The following TMPRSS4 variants were observed in gnomAD, a reference collection of about 807,000 sequenced individuals.
TMPRSS4 encodes the protein transmembrane serine protease 4.
In TMPRSS4, 45 loss-of-function variants were observed where a neutral mutation model predicts 56.4. The observed-to-expected ratio is 0.80, with a 90% confidence interval of 0.63 to 1.02. The LOEUF (loss-of-function observed/expected upper bound fraction) is 1.02, where lower values mean the gene tolerates loss of function less well. Ranked by LOEUF, TMPRSS4 falls within the 50% of genes least tolerant of loss-of-function variation. The probability of loss-of-function intolerance (pLI) is 0.00; values close to 1 mark genes in which losing one functional copy is unlikely to be tolerated. For missense variants in TMPRSS4, 546 were observed against 556.7 expected (o/e 0.98, Z 0.19); for synonymous variants, 205 against 211.0 (o/e 0.97, Z 0.25).
Position 118,077,473 on chromosome 11 carries a change from A to C in TMPRSS4, c.3+168A>C, listed in dbSNP as rs186997959. On this transcript the variant is annotated intron_variant, in intron 1 of 12. Transcript: ENST00000437212. ...CACACCCCAGCCCGGTACACGTCTC[A>C]TACCCACCTGCCTTCCTCTCTTCCT... 2.0e-5 allele frequency among the ~76,000 whole-genome samples: 3 copies of C among 152,320 alleles called. No individual in the cohort carries two copies. The East Asian group carries it at 5.8e-4, about 29-fold the overall frequency.
At chr11:118,110,867 G>A (rs78463601) in intron 7 of TMPRSS4, among the ~76,000 whole-genome samples, 4,640 of 152,258 alleles carry the variant, frequency 0.03, 238 homozygotes, top group African/African-American at 0.1. Context: ...AGTGGGAAGG[G>A]CATCTTTTTG....
At chr11:118,078,013 CAAAAAAAAAAAAAAA>C (rs148383275) in intron 1 of TMPRSS4, among the ~76,000 whole-genome samples, 9 of 71,050 alleles carry the variant, frequency 1.3e-4, no homozygotes, top group African/African-American at 2.2e-4. Context: ...AACTCCGTCT[CAAAAAAAAAAAAAAA>C]AAAAAAAAAA....
At position 118,113,346 on chromosome 11, in the gene TMPRSS4, C is replaced by CCAAGATCAT. The variant is rs774394434; in HGVS notation, c.824_832dup (p.Lys275_Ile277dup). ...GGCAGCTTCCCATCCCTGGCTGTGG[C>CCAAGATCAT]CAAGATCATCATCATTGAATTCAAC... On this transcript the variant is annotated inframe_insertion, in exon 9 of 13. Coordinates refer to ENST00000437212, the MANE Select transcript of TMPRSS4 (RefSeq NM_019894.4). The CCAAGATCAT allele has an allele frequency of 6.2e-7, 1 of 1,614,104 alleles. No homozygotes were observed. Among genetic ancestry groups the CCAAGATCAT allele is most frequent in the African/African-American group, 1.3e-5 (1 of 75,020 alleles).
At chr11:118,111,957 A>G in intron 8 of TMPRSS4, 57 bp downstream of exon 8, 1 of 1,571,092 alleles carries the variant, frequency 6.4e-7, no homozygotes, top group Admixed American at 2.0e-5. Flanking sequence ...GGGACCAGAG[A>G]GCTTGGGGTC....
intron 1 of TMPRSS4, among the ~76,000 whole-genome samples, chr11:118,091,361 A>G (rs1945947146): frequency 6.6e-6 from 1 of 152,016 alleles, no homozygotes; most frequent in Non-Finnish European, 1.5e-5. Flanking sequence ...GACCAGCAAG[A>G]TCCTCCGTAA....
rs1487672575 is a variant in TMPRSS4, at chr11:118,103,123, C to T, written c.180C>T (p.Tyr60=). 6.2e-7 allele frequency: 1 copy of T among 1,614,224 alleles called. No individual in the cohort carries two copies. The highest frequency in any genetic ancestry group is 2.2e-5 in the East Asian group (1 of 44,880). Residue 60 remains tyrosine (Y), a synonymous_variant, in exon 4 of 13, where the codon TAC becomes TAT. Transcript: ENST00000437212. ...CAGTCAAGGTGATTCTGGATAAATA[C>T]TACTTCCTCTGCGGGCAGCCTCTCC... ...VVLIKVILDK[Y]YFLCGQPLHF... is the part of the protein sequence containing the mutation.
chr11:118,089,129 C>A (rs17121658), intron 1 of TMPRSS4, among the ~76,000 whole-genome samples: 1,949 of 152,138 alleles, frequency 0.013, 47 homozygotes, highest in African/African-American at 0.043. Context: ...CATTGATGGC[C>A]CCCAGTTGAC....
At chr11:118,093,687 C>G (rs1235525509) in intron 1 of TMPRSS4, among the ~76,000 whole-genome samples, 1 of 152,156 alleles carries the variant, frequency 6.6e-6, no homozygotes, top group Non-Finnish European at 1.5e-5. Context: ...TAGTAAAGTA[C>G]TCAAGTCTAA....
chr11:118,125,160 C>T (rs1666463398), downstream of TMPRSS4: 3 of 418,954 alleles, frequency 7.2e-6, no homozygotes, highest in African/African-American at 4.0e-5. Context: ...CCAGAGAGCT[C>T]TGACTTCCCC....
intron 3 of TMPRSS4, chr11:118,099,319 C>T (rs907890063): frequency 2.3e-6 from 1 of 437,202 alleles, no homozygotes; most frequent in African/African-American, 2.0e-5. Flanking sequence ...TCCTTCACCC[C>T]CTCAGTAAGT....
chr11:118,092,890 C>A (rs906357359), intron 1 of TMPRSS4, among the ~76,000 whole-genome samples: 1 of 152,158 alleles, frequency 6.6e-6, no homozygotes, highest in African/African-American at 2.4e-5. Context: ...ATGTGAGAGC[C>A]CAGCATTTCC....
chr11:118,115,634 A>G (rs1947510394), intron 11 of TMPRSS4: 1 of 208,552 alleles, frequency 4.8e-6, no homozygotes, highest in Non-Finnish European at 9.9e-6. Flanking sequence ...AGCCTGGCCA[A>G]CATGGTGAAA....
At chr11:118,090,588 G>A (rs1411004276) in intron 1 of TMPRSS4, among the ~76,000 whole-genome samples, 1 of 143,884 alleles carries the variant, frequency 7.0e-6, no homozygotes, top group Admixed American at 7.1e-5. Flanking sequence ...ACCAGCCTGG[G>A]CAATACAGTG....
intron 1 of TMPRSS4, among the ~76,000 whole-genome samples, chr11:118,093,825 C>CCT (rs66992028): frequency 4.9e-4 from 74 of 151,402 alleles, no homozygotes; most frequent in Non-Finnish European, 6.5e-4. Context: ...ACTGCCCCCC[C>CCT]CAATGGTAAC....
At chr11:118,098,208 C>G (rs558507179) in intron 2 of TMPRSS4, among the ~76,000 whole-genome samples, 3 of 152,356 alleles carry the variant, frequency 2.0e-5, no homozygotes, top group South Asian at 4.1e-4. Context: ...TTCACCCATC[C>G]TGCCTTCCAA....
At chr11:118,082,915 G>A (rs897717433) in intron 1 of TMPRSS4, among the ~76,000 whole-genome samples, 1 of 152,210 alleles carries the variant, frequency 6.6e-6, no homozygotes, top group African/African-American at 2.4e-5. Flanking sequence ...GGTTCCCCAA[G>A]CGTACTTTGA....
intron 1 of TMPRSS4, among the ~76,000 whole-genome samples, chr11:118,088,457 A>C (rs1197083466): frequency 6.6e-6 from 1 of 152,196 alleles, no homozygotes; most frequent in African/African-American, 2.4e-5. Context: ...AGGCAATGGC[A>C]GGTTTTCCAG....
At chr11:118,117,507 G>A in intron 12 of TMPRSS4, 53 bp downstream of exon 12, 1 of 1,570,070 alleles carries the variant, frequency 6.4e-7, no homozygotes. Context: ...CTCTACCTGG[G>A]GGGTGCCAAT....
At position 118,112,737 on chromosome 11, in the gene TMPRSS4, A is replaced by G. The variant is rs530978485; in HGVS notation, c.744-532A>G. Among the ~76,000 whole-genome samples the G allele has an allele frequency of 3.3e-5, 5 of 151,926 alleles. No homozygotes were observed. The South Asian group carries it at 8.3e-4, about 25-fold the overall frequency. ...AATATCTAATGAGCACCTACCAGGT[A>G]CCAAACACCAGATGATGCGCCCAAG... On this transcript the variant is annotated intron_variant, in intron 8 of 12. Transcript: ENST00000437212.
Sources: allele counts gnomAD v4.1 joint callset (sites outside exome capture counted in the v4.1 genomes callset), GRCh38; gene constraint gnomAD v4.1.1; transcripts MANE v1.5; gene names NCBI Gene and HGNC (gene_info 2026-07-23, HGNC 2026-07-21).